The following TES variants were observed in gnomAD, a reference collection of about 807,000 sequenced individuals.
TES encodes testin.
In TES, 41 loss-of-function variants were observed where a neutral mutation model predicts 48.2. That is an observed-to-expected ratio of 0.85 (90% CI 0.66 to 1.10). The LOEUF (loss-of-function observed/expected upper bound fraction) is 1.10. Among genes scored for constraint, TES ranks in the 50% least tolerant of loss-of-function variants. The pLI, the probability that TES is intolerant of heterozygous loss-of-function variation, is 0.00. For missense variants in TES, 463 were observed against 515.1 expected (o/e 0.90, Z 0.98); for synonymous variants, 162 against 174.9 (o/e 0.93, Z 0.58).
At chr7:116,229,831 A>G (rs2116589692) in intron 1 of TES, among the ~76,000 whole-genome samples, 1 of 152,322 alleles carries the variant, frequency 6.6e-6, no homozygotes, top group African/African-American at 2.4e-5. Flanking sequence ...CATCCTAAAC[A>G]AGGAAAATGC....
intron 1 of TES, among the ~76,000 whole-genome samples, chr7:116,232,797 A>G (rs1268830739): frequency 6.6e-6 from 1 of 152,252 alleles, no homozygotes; most frequent in Non-Finnish European, 1.5e-5. Flanking sequence ...AAAATTGGTA[A>G]TATGGACATG....
In TES at chr7:116,210,702, G is replaced by C; in HGVS notation, c.-6G>C. ...GAGGAGGAGGGGACCCATAGGACGCGTTAACATGGACCTGGAAAACAAAGT... is the reference window on the plus strand; with the variant it reads ...GAGGAGGAGGGGACCCATAGGACGCCTTAACATGGACCTGGAAAACAAAGT... On this transcript the variant is annotated 5_prime_UTR_variant, in exon 1 of 7. Coordinates refer to ENST00000358204, the MANE Select transcript of TES (RefSeq NM_015641.4). The C allele has an allele frequency of 7.8e-7, 1 of 1,275,212 alleles. No homozygotes were observed. Among genetic ancestry groups the C allele is most frequent in the Non-Finnish European group, 1.0e-6 (1 of 1,000,220 alleles). The allele number at this position is 1,275,212 out of a possible 1,614,324, so 79.0% of individuals were successfully genotyped here.
rs1799987891 is a variant in TES, at chr7:116,250,402, C to T, written c.608C>T (p.Pro203Leu). The T allele has an allele frequency of 1.9e-6, 3 of 1,613,652 alleles. No homozygotes were observed. Among genetic ancestry groups the T allele is most frequent in the Admixed American group, 1.7e-5 (1 of 59,946 alleles). Residue 203 changes from proline (P) to leucine (L), a missense_variant, in exon 4 of 7, where the codon CCC becomes CTC. Coordinates refer to ENST00000358204, the MANE Select transcript of TES (RefSeq NM_015641.4). ...KLPCEMDAQGPKQMNIPGGDR... is the reference protein window; with the variant it reads ...KLPCEMDAQGLKQMNIPGGDR... ...CCCTGTGAGATGGATGCCCAAGGCCCCAAACAAATGAACATTCCTGGAGGG... is the reference window on the plus strand; with the variant it reads ...CCCTGTGAGATGGATGCCCAAGGCCTCAAACAAATGAACATTCCTGGAGGG...
At chr7:116,212,699 G>A (rs1356860324) in intron 1 of TES, among the ~76,000 whole-genome samples, 2 of 152,088 alleles carry the variant, frequency 1.3e-5, no homozygotes, top group Non-Finnish European at 2.9e-5. Flanking sequence ...AAATCCAGAC[G>A]TTGTTTATAA....
intron 1 of TES, among the ~76,000 whole-genome samples, chr7:116,224,170 A>C (rs1255053015): frequency 6.6e-6 from 1 of 152,200 alleles, no homozygotes; most frequent in Non-Finnish European, 1.5e-5. Context: ...GTCTCTCCCT[A>C]GTCGATCCTT....
At chr7:116,244,747 A>T (rs550415933) in intron 2 of TES, among the ~76,000 whole-genome samples, 15 of 152,304 alleles carry the variant, frequency 9.8e-5, no homozygotes, top group African/African-American at 3.4e-4. Flanking sequence ...GTGGTTCTCC[A>T]TGAGGGCTCT....
rs1799423255 is a variant in TES at position 116,210,601 on chromosome 7, G to C, written c.-107G>C. The C allele has an allele frequency of 2.5e-6, 3 of 1,191,026 alleles. No individual in the cohort carries two copies. Among genetic ancestry groups the C allele is most frequent in the Non-Finnish European group, 2.2e-6 (2 of 930,162 alleles). 73.8% of individuals were successfully genotyped at this position (1,191,026 alleles called of 1,614,324 possible). On this transcript the variant is annotated 5_prime_UTR_variant, in exon 1 of 7. Coordinates refer to ENST00000358204, the MANE Select transcript of TES (RefSeq NM_015641.4). ...GGGCGAGTGGCTGTTGAGCGGCGCC[G>C]CGGGAGTTCCGCAGGTTTCCCGTGT...
intron 6 of TES, chr7:116,254,986 G>T (rs1800076124): frequency 6.9e-6 from 1 of 144,274 alleles, no homozygotes; most frequent in Non-Finnish European, 1.5e-5. Context: ...GATCTGCTTA[G>T]ATCTTTTCAT....
chr7:116,257,570 C>A lies in TES; in HGVS notation c.*88C>A. 1 of 1,166,926 alleles carries A rather than the reference C, an allele frequency of 8.6e-7. No homozygotes were observed. Among genetic ancestry groups the A allele is most frequent in the Admixed American group, 3.9e-5 (1 of 25,952 alleles). The allele number at this position is 1,166,926 out of a possible 1,614,324, so 72.3% of individuals were successfully genotyped here. A position where few individuals can be genotyped will look rare whatever the true frequency, so the allele number is the denominator to read the frequency against. ...AATGCAATTTGAAAAAAATAAAACGCAAAAAAAGAAACTGTAAAGGAAACC... is the reference window on the plus strand; with the variant it reads ...AATGCAATTTGAAAAAAATAAAACGAAAAAAAAGAAACTGTAAAGGAAACC... On this transcript the variant is annotated 3_prime_UTR_variant, in exon 7 of 7. Coordinates refer to ENST00000358204, the MANE Select transcript of TES (RefSeq NM_015641.4).
chr7:116,212,781 G>A (rs1209321325), intron 1 of TES, among the ~76,000 whole-genome samples: 3 of 152,008 alleles, frequency 2.0e-5, no homozygotes, highest in Non-Finnish European at 2.9e-5. Flanking sequence ...AATTTTCCTC[G>A]TTTATCCCCC....
chr7:116,210,770 A>G, intron 1 of TES, 36 bp downstream of exon 1: 1 of 1,235,482 alleles, frequency 8.1e-7, no homozygotes, highest in Non-Finnish European at 1.0e-6. Context: ...CGGCTGCTTC[A>G]CCTGCGCGGG....
chr7:116,224,158 G>A (rs77843537), intron 1 of TES, among the ~76,000 whole-genome samples: 6,681 of 152,200 alleles, frequency 0.044, 220 homozygotes, highest in East Asian at 0.15. Context: ...TCTTAGAAGT[G>A]GGTCTCTCCC....
chr7:116,249,380 C>T (rs1401862804), intron 3 of TES, 108 bp downstream of exon 3: 1 of 1,289,870 alleles, frequency 7.8e-7, no homozygotes, highest in Non-Finnish European at 1.1e-6. Flanking sequence ...ATCTGTTATT[C>T]TTCCGGGGTT....
At chr7:116,234,278 C>T (rs1799737121) in intron 1 of TES, among the ~76,000 whole-genome samples, 13 of 151,972 alleles carry the variant, frequency 8.6e-5, no homozygotes, top group Admixed American at 8.5e-4. Context: ...TTGTTATTTG[C>T]AATATTTGTA....
intron 1 of TES, among the ~76,000 whole-genome samples, chr7:116,223,541 G>A (rs946163995): frequency 3.3e-5 from 5 of 152,100 alleles, no homozygotes; most frequent in Non-Finnish European, 7.4e-5. Flanking sequence ...TGTAACACAA[G>A]TGTGTGTGTA....
At chr7:116,249,373 T>C in intron 3 of TES, 101 bp downstream of exon 3, 1 of 1,366,666 alleles carries the variant, frequency 7.3e-7, no homozygotes, top group Non-Finnish European at 1.0e-6. Context: ...ATCCCAGATC[T>C]GTTATTCTTC....
intron 1 of TES, among the ~76,000 whole-genome samples, chr7:116,229,952 G>T (rs1489579168): frequency 1.3e-5 from 2 of 152,138 alleles, no homozygotes; most frequent in Non-Finnish European, 2.9e-5. Flanking sequence ...CAATAATGTG[G>T]CATAAGTCAG....
intron 1 of TES, chr7:116,217,708 C>G: frequency 2.0e-6 from 1 of 502,698 alleles, no homozygotes; most frequent in Non-Finnish European, 3.9e-6. Context: ...GATAACTTCA[C>G]TACTGTTCTT....
intron 1 of TES, among the ~76,000 whole-genome samples, chr7:116,223,822 A>G (rs967473799): frequency 3.3e-5 from 5 of 152,202 alleles, no homozygotes; most frequent in Non-Finnish European, 7.3e-5. Context: ...TCCCCTTTAT[A>G]ATATGTCTGT....
Sources: allele counts gnomAD v4.1 joint callset (sites outside exome capture counted in the v4.1 genomes callset), GRCh38; gene constraint gnomAD v4.1.1; transcripts MANE v1.5; gene names NCBI Gene and HGNC (gene_info 2026-07-23, HGNC 2026-07-21).